The following ZNF26 variants were observed in gnomAD, a reference collection of about 807,000 sequenced individuals.
ZNF26 encodes the protein zinc finger protein 26, also known as epididymis luminal protein 179.
In ZNF26, 32 loss-of-function variants were observed where a neutral mutation model predicts 54.9. The ratio of observed to expected loss-of-function variants is 0.58; its 90% CI spans 0.44 to 0.78. The LOEUF is 0.78. Ranked by LOEUF, ZNF26 falls within the 30% of genes least tolerant of loss-of-function variation. ZNF26 has a pLI of 0.00. For missense variants in ZNF26, 524 were observed against 634.0 expected (o/e 0.83, Z 1.86); for synonymous variants, 221 against 209.2 (o/e 1.06, Z -0.49).
At chr12:132,996,668 A>AAG (rs1191250945) in intron 1 of ZNF26, among the ~76,000 whole-genome samples, 1 of 152,190 alleles carries the variant, frequency 6.6e-6, no homozygotes, top group Non-Finnish European at 1.5e-5. Flanking sequence ...ATGTTGCTTC[A>AAG]ATCTCTTTGT....
chr12:133,024,009 G>A lies in ZNF26; in HGVS notation c.*12528G>A, dbSNP rs899527634. On this transcript the variant is annotated 3_prime_UTR_variant, in exon 4 of 4. Transcript: ENST00000328654. ...TCCATGAGAAATTCTGACCCAGAAC[G>A]GCTCAGTCAGACCTCTCCTGAATCC... 3 of 152,204 alleles carry A rather than the reference G, an allele frequency of 2.0e-5. No homozygotes were observed. Among genetic ancestry groups the A allele is most frequent in the Admixed American group, 6.6e-5 (1 of 15,266 alleles). 9.4% of individuals were successfully genotyped at this position (152,204 alleles called of 1,614,324 possible). A position where few individuals can be genotyped will look rare whatever the true frequency, so the allele number is the denominator to read the frequency against.
rs1178473182 is a variant in ZNF26 at position 132,986,532 on chromosome 12, A to C, written c.-309A>C. The C allele has an allele frequency of 2.0e-6, 1 of 498,564 alleles. No homozygotes were observed. Among genetic ancestry groups the C allele is most frequent in the African/African-American group, 1.9e-5 (1 of 51,646 alleles). 30.9% of individuals were successfully genotyped at this position (498,564 alleles called of 1,614,324 possible). A position where few individuals can be genotyped will look rare whatever the true frequency, so the allele number is the denominator to read the frequency against. On this transcript the variant is annotated 5_prime_UTR_variant, in exon 1 of 4. Transcript: ENST00000328654. ...GCAGACCAGAGACTTGACCAGCTAA[A>C]CACTTCCGTCGGTCCGGGGCGTGGA...
chr12:132,992,204 A>C (rs1250352002), intron 1 of ZNF26, among the ~76,000 whole-genome samples: 1 of 152,036 alleles, frequency 6.6e-6, no homozygotes, highest in Non-Finnish European at 1.5e-5. Flanking sequence ...CTGCCTAGTT[A>C]AGGCAAGTTT....
At chr12:132,993,659 C>T (rs1170448875) in intron 1 of ZNF26, among the ~76,000 whole-genome samples, 2 of 151,190 alleles carry the variant, frequency 1.3e-5, no homozygotes, top group Non-Finnish European at 3.0e-5. Context: ...TTTCACCATA[C>T]TGGCCAGGCT....
chr12:133,001,271 G>A lies in ZNF26; in HGVS notation c.34-5771G>A, dbSNP rs1035253943. ...GTTATTGACTCTCAGTTACTTTCAGGTATGGGAAAGTTCAGTCCACACTCT... is the reference window on the plus strand; with the variant it reads ...GTTATTGACTCTCAGTTACTTTCAGATATGGGAAAGTTCAGTCCACACTCT... On this transcript the variant is annotated intron_variant, in intron 1 of 3. Transcript: ENST00000328654. The surrounding 1 kb of genome is among the most constrained non-coding windows in gnomAD (Gnocchi z 4.7). Among the ~76,000 whole-genome samples the A allele has an allele frequency of 6.6e-6, 1 of 152,126 alleles. No individual in the cohort carries two copies. Among genetic ancestry groups the A allele is most frequent in the Non-Finnish European group, 1.5e-5 (1 of 68,026 alleles).
In ZNF26 at chr12:133,010,633, C is replaced by G; in HGVS notation, c.754C>G (p.His252Asp). 1 of 1,614,208 alleles carries G rather than the reference C, an allele frequency of 6.2e-7. No homozygotes were observed. Among genetic ancestry groups the G allele is most frequent in the Non-Finnish European group, 8.5e-7 (1 of 1,180,042 alleles). The part of the protein sequence containing the change: ...RSQLIVHQEI[H>D]TGGKPYGCSE... The stretch of plus-strand genomic sequence containing the variant: ...ACAGCTCATTGTCCATCAGGAAATT[C>G]ACACAGGAGGGAAACCCTATGGCTG... Residue 252 changes from histidine (H) to aspartate (D), a missense_variant, in exon 4 of 4, where the codon CAC (histidine) becomes GAC (aspartate). Coordinates refer to ENST00000328654, the MANE Select transcript of ZNF26 (RefSeq NM_019591.4).
chr12:132,988,874 AT>A (rs1460267737), intron 1 of ZNF26, among the ~76,000 whole-genome samples: 2 of 152,076 alleles, frequency 1.3e-5, no homozygotes, highest in African/African-American at 4.8e-5. Flanking sequence ...ACACCTAAGT[AT>A]TTAATTTTTG....
chr12:133,011,575 C>T lies in ZNF26; in HGVS notation c.*94C>T, dbSNP rs1429205125. On this transcript the variant is annotated 3_prime_UTR_variant, in exon 4 of 4. Coordinates refer to ENST00000328654, the MANE Select transcript of ZNF26 (RefSeq NM_019591.4). ...AAGCAGGAGGCCCTAAAATTACACT[C>T]ATGTCAAAAATCAGAGAGGAGAGAG... The T allele has an allele frequency of 1.4e-5, 18 of 1,319,050 alleles. No individual in the cohort carries two copies. The highest frequency in any genetic ancestry group is 3.6e-5 in the South Asian group (2 of 55,014). The allele number at this position is 1,319,050 out of a possible 1,614,324, so 81.7% of individuals were successfully genotyped here.
Position 133,013,141 on chromosome 12 carries a change from A to G in ZNF26, c.*1660A>G, listed in dbSNP as rs1187551232. 1.3e-5 allele frequency: 2 copies of G among 152,210 alleles called. No homozygotes were observed. Among genetic ancestry groups the G allele is most frequent in the African/African-American group, 4.8e-5 (2 of 41,456 alleles). 9.4% of individuals were successfully genotyped at this position (152,210 alleles called of 1,614,324 possible). A position where few individuals can be genotyped will look rare whatever the true frequency, so the allele number is the denominator to read the frequency against. Reference sequence around the variant, plus strand: ...AATTATAGCATTATAAGAATTTTAAATTTATGAGAAAATCTGAGACAGGGG... The same window carrying G: ...AATTATAGCATTATAAGAATTTTAAGTTTATGAGAAAATCTGAGACAGGGG... On this transcript the variant is annotated 3_prime_UTR_variant, in exon 4 of 4. Coordinates refer to ENST00000328654, the MANE Select transcript of ZNF26 (RefSeq NM_019591.4).
intron 1 of ZNF26, among the ~76,000 whole-genome samples, chr12:132,998,780 G>C (rs1953147134): frequency 6.6e-6 from 1 of 152,090 alleles, no homozygotes; most frequent in Non-Finnish European, 1.5e-5. Context: ...TTCCATTTGA[G>C]GCCTTGATAA....
At chr12:132,996,879 T>TA (rs1953095893) in intron 1 of ZNF26, among the ~76,000 whole-genome samples, 2 of 149,764 alleles carry the variant, frequency 1.3e-5, no homozygotes, top group African/African-American at 4.9e-5. Context: ...CTTTTCTTAC[T>TA]GGTTCTCATG....
intron 1 of ZNF26, among the ~76,000 whole-genome samples, chr12:132,992,826 A>G (rs1209199970): frequency 7.0e-6 from 1 of 142,398 alleles, no homozygotes. Flanking sequence ...TCCATTGTGC[A>G]TATCTACACC....
chr12:132,994,791 GGCACA>G (rs1181903922), intron 1 of ZNF26, among the ~76,000 whole-genome samples: 2 of 152,102 alleles, frequency 1.3e-5, no homozygotes, highest in African/African-American at 4.8e-5. Flanking sequence ...ATTTCTGTTA[GGCACA>G]TACCAGGATT....
In ZNF26 at chr12:133,017,246, GC is replaced by G. The variant is rs1272351624; in HGVS notation, c.*5766del. 1 of 152,120 alleles carries G rather than the reference GC, an allele frequency of 6.6e-6. No individual in the cohort carries two copies. The highest frequency in any genetic ancestry group is 1.9e-4 in the East Asian group (1 of 5,194). 9.4% of individuals were successfully genotyped at this position (152,120 alleles called of 1,614,324 possible). A position where few individuals can be genotyped will look rare whatever the true frequency, so the allele number is the denominator to read the frequency against. On this transcript the variant is annotated 3_prime_UTR_variant, in exon 4 of 4. Coordinates refer to ENST00000328654, the MANE Select transcript of ZNF26 (RefSeq NM_019591.4). ...GTAGAGATTCTGATTATCCCACATG[GC>G]AGGGCATTAGACAAGGAGACCCACT...
intron 1 of ZNF26, among the ~76,000 whole-genome samples, chr12:133,000,575 C>T (rs1953192745): frequency 6.6e-6 from 1 of 152,052 alleles, no homozygotes; most frequent in South Asian, 2.1e-4. Context: ...CAGGCGCCCG[C>T]CACCACACCC....
rs1305798607 is a variant in ZNF26, at chr12:133,007,101, G to A, written c.93G>A (p.Leu31=). The change falls in exon 2 of 4, where the codon CTG becomes CTA. Residue 31 remains leucine, a synonymous_variant. Transcript: ENST00000328654. ...TCACCTGGGATGAATGGCAGCTACT[G>A]GATTCTACACAGAAGTACCTGTACA... ...MEFTWDEWQL[L]DSTQKYLYRD... is the part of the protein sequence containing the mutation. 5 of 1,613,870 alleles carry A rather than the reference G, an allele frequency of 3.1e-6. No individual in the cohort carries two copies. Among genetic ancestry groups the A allele is most frequent in the African/African-American group, 1.3e-5 (1 of 74,882 alleles).
intron 1 of ZNF26, among the ~76,000 whole-genome samples, chr12:133,002,409 C>T (rs1953237969): frequency 6.6e-6 from 1 of 152,110 alleles, no homozygotes; most frequent in East Asian, 1.9e-4. Context: ...CCCGGTATCT[C>T]CTCTTACACA....
At position 133,023,454 on chromosome 12, in the gene ZNF26, C is replaced by T. The variant is rs1953666694; in HGVS notation, c.*11973C>T. The T allele has an allele frequency of 1.3e-5, 2 of 152,104 alleles. No homozygotes were observed. The highest frequency in any genetic ancestry group is 4.8e-5 in the African/African-American group (2 of 41,434). The allele number at this position is 152,104 out of a possible 1,614,324, so 9.4% of individuals were successfully genotyped here. A position where few individuals can be genotyped will look rare whatever the true frequency, so the allele number is the denominator to read the frequency against. On this transcript the variant is annotated 3_prime_UTR_variant, in exon 4 of 4. Transcript: ENST00000328654. ...CCTAGAAATTCTTTTATAACCTTTA[C>T]ACCAAATCAGGATAGAGACAGTAGA...
chr12:132,991,630 CAAAAAA>C (rs1296804934), intron 1 of ZNF26, among the ~76,000 whole-genome samples: 1 of 68,130 alleles, frequency 1.5e-5, no homozygotes, highest in Non-Finnish European at 3.9e-5. Flanking sequence ...ACAACAACAA[CAAAAAA>C]AAAAAAAACC....
Sources: gnomAD v4.1 joint callset for allele counts (sites outside exome capture counted in the v4.1 genomes callset) on GRCh38, gnomAD v4.1.1 for gene constraint, Gnocchi (gnomAD v3.1) non-coding constraint, MANE v1.5 for transcripts, NCBI Gene and HGNC (gene_info 2026-07-23, HGNC 2026-07-21) for gene names.